Variants in MARCHF1 observed in about 807,000 individuals in gnomAD.
MARCHF1 encodes the protein E3 ubiquitin-protein ligase MARCHF1.
A neutral mutation model predicts 54.2 loss-of-function variants in MARCHF1; 40 were observed. That is an observed-to-expected ratio of 0.74 (90% CI 0.57 to 0.96). The LOEUF (loss-of-function observed/expected upper bound fraction) is 0.96. MARCHF1 is among the 40% of genes least tolerant of loss of function. The probability of loss-of-function intolerance (pLI) is 0.00; values close to 1 mark genes in which losing one functional copy is unlikely to be tolerated. For missense variants in MARCHF1, 586 were observed against 656.5 expected (o/e 0.89, Z 1.17); for synonymous variants, 236 against 236.3 (o/e 1.00, Z 0.01).
At chr4:163,796,816 G>T (rs1161750428) in intron 4 of MARCHF1, among the ~76,000 whole-genome samples, 1 of 151,862 alleles carries the variant, frequency 6.6e-6, no homozygotes, top group Non-Finnish European at 1.5e-5. Context: ...AATAACATAT[G>T]CAGAATATCA....
intron 1 of MARCHF1, among the ~76,000 whole-genome samples, chr4:164,181,887 T>G (rs543164417): frequency 2.0e-5 from 3 of 152,176 alleles, no homozygotes; most frequent in Non-Finnish European, 4.4e-5. Flanking sequence ...GAAATTCTAT[T>G]TTTAGTATCA....
chr4:163,561,301 C>T (rs935761394), intron 8 of MARCHF1, among the ~76,000 whole-genome samples: 1 of 152,014 alleles, frequency 6.6e-6, no homozygotes, highest in African/African-American at 2.4e-5. Context: ...TTTTTCTATG[C>T]CTTCTTCTAA....
chr4:163,751,536 T>C (rs1746521084), intron 4 of MARCHF1, among the ~76,000 whole-genome samples: 1 of 151,952 alleles, frequency 6.6e-6, no homozygotes, highest in African/African-American at 2.4e-5. Flanking sequence ...AGAAGGTTTA[T>C]GCATACAAAA....
chr4:163,754,714 AC>A (rs1295930861), intron 4 of MARCHF1, among the ~76,000 whole-genome samples: 2 of 144,974 alleles, frequency 1.4e-5, no homozygotes, highest in African/African-American at 5.0e-5. Context: ...TTTGATTTAA[AC>A]CTGTTAAAGA....
At chr4:163,892,370 C>A (rs4132054) in intron 3 of MARCHF1, among the ~76,000 whole-genome samples, 1 of 151,664 alleles carries the variant, frequency 6.6e-6, no homozygotes, top group African/African-American at 2.4e-5. Flanking sequence ...CTGTTTGAAG[C>A]GGAAGAAGCA....
At chr4:163,873,539 G>T (rs992761243) in intron 3 of MARCHF1, among the ~76,000 whole-genome samples, 1 of 152,132 alleles carries the variant, frequency 6.6e-6, no homozygotes, top group African/African-American at 2.4e-5. Context: ...AGATGCAGCC[G>T]CTCAGACAGC....
intron 8 of MARCHF1, among the ~76,000 whole-genome samples, chr4:163,567,769 C>T (rs953044683): frequency 2.0e-5 from 3 of 152,064 alleles, no homozygotes; most frequent in Admixed American, 6.6e-5. Flanking sequence ...TGCTCAGTCT[C>T]GGGTATGTCT....
At chr4:163,982,807 A>G (rs537629628) in intron 3 of MARCHF1, among the ~76,000 whole-genome samples, 3 of 152,254 alleles carry the variant, frequency 2.0e-5, no homozygotes, top group Admixed American at 2.0e-4. Context: ...GTCCTTATAC[A>G]AGCCACCCAT....
intron 2 of MARCHF1, among the ~76,000 whole-genome samples, chr4:164,101,139 G>C (rs924178600): frequency 6.6e-6 from 1 of 152,228 alleles, no homozygotes; most frequent in African/African-American, 2.4e-5. Flanking sequence ...CTGATTGCTA[G>C]CACGGCAGTC....
intron 1 of MARCHF1, among the ~76,000 whole-genome samples, chr4:164,208,566 AAGTG>A (rs1731676127): frequency 6.6e-6 from 1 of 152,210 alleles, no homozygotes; most frequent in Admixed American, 6.5e-5. Flanking sequence ...TAGGAGGAAT[AAGTG>A]CCATTCTTCT....
chr4:164,105,882 T>C (rs1177529930), intron 2 of MARCHF1, among the ~76,000 whole-genome samples: 1 of 148,070 alleles, frequency 6.8e-6, no homozygotes, highest in African/African-American at 2.6e-5. Context: ...AAAGGGCTAA[T>C]ATCTAGAATC....
chr4:163,881,859 A>G (rs1750425439), intron 3 of MARCHF1, among the ~76,000 whole-genome samples: 1 of 152,226 alleles, frequency 6.6e-6, no homozygotes, highest in Non-Finnish European at 1.5e-5. Context: ...CCTGTTGTAC[A>G]TGAGCAGACA....
chr4:164,128,598 T>G (rs987447877), intron 1 of MARCHF1, among the ~76,000 whole-genome samples: 3 of 151,946 alleles, frequency 2.0e-5, no homozygotes, highest in African/African-American at 4.8e-5. Context: ...GTTGGCAAAA[T>G]TTTTTTAAAT....
At chr4:163,633,131 C>T (rs1184143708) in intron 5 of MARCHF1, among the ~76,000 whole-genome samples, 3 of 152,148 alleles carry the variant, frequency 2.0e-5, no homozygotes, top group Non-Finnish European at 4.4e-5. Flanking sequence ...GTAGATAAAA[C>T]CACAAAGATG....
intron 3 of MARCHF1, among the ~76,000 whole-genome samples, chr4:163,976,327 T>G (rs181570196): frequency 8.7e-4 from 133 of 152,270 alleles, no homozygotes; most frequent in African/African-American, 2.9e-3. Flanking sequence ...GCTGGAAAAT[T>G]TAGACATAAA....
At chr4:163,776,931 T>A (rs1040091486) in intron 4 of MARCHF1, among the ~76,000 whole-genome samples, 11 of 152,186 alleles carry the variant, frequency 7.2e-5, no homozygotes, top group African/African-American at 2.7e-4. Context: ...TTTTCTACCC[T>A]CAAGATACAA....
intron 4 of MARCHF1, among the ~76,000 whole-genome samples, chr4:163,793,518 G>A (rs377016640): frequency 3.9e-5 from 6 of 152,168 alleles, no homozygotes; most frequent in African/African-American, 9.6e-5. Context: ...TGAAAGAAGC[G>A]GGTACAAAGT....
rs564885986 is a variant in MARCHF1, at chr4:164,100,457, G to A, written c.-248+11131C>T. Reference sequence around the variant, plus strand: ...TCCTGACAAAAACAAATTTAATCCTGCACACAGGTACTTCCAACTTCTGGT... The same window carrying A: ...TCCTGACAAAAACAAATTTAATCCTACACACAGGTACTTCCAACTTCTGGT... On this transcript the variant is annotated intron_variant, in intron 2 of 9. Transcript: ENST00000514618. 1.2e-4 allele frequency among the ~76,000 whole-genome samples: 18 copies of A among 152,268 alleles called. No individual in the cohort carries two copies. The South Asian group carries it at 2.5e-3, about 21-fold the overall frequency.
chr4:164,173,750 A>C (rs764763835), intron 1 of MARCHF1, among the ~76,000 whole-genome samples: 18 of 152,134 alleles, frequency 1.2e-4, no homozygotes, highest in Non-Finnish European at 5.9e-5. Context: ...ACCTGAGTGG[A>C]AGCTTCCTGA....
Sources: allele counts gnomAD v4.1 joint callset (sites outside exome capture counted in the v4.1 genomes callset), GRCh38; gene constraint gnomAD v4.1.1; transcripts MANE v1.5; gene names NCBI Gene and HGNC (gene_info 2026-07-23, HGNC 2026-07-21).